The following RBM24 variants were observed in gnomAD, a reference collection of about 807,000 sequenced individuals.
The protein encoded by RBM24 is RNA-binding protein 24.
A neutral mutation model predicts 23.6 loss-of-function variants in RBM24; 5 were observed. That is an observed-to-expected ratio of 0.21 (90% confidence interval 0.11 to 0.45). The LOEUF is 0.45. Among genes scored for constraint, RBM24 ranks in the 20% least tolerant of loss-of-function variants. RBM24 has a pLI of 0.99. For synonymous variants in RBM24, 151 were observed against 129.5 expected (o/e 1.17, Z -1.13); for missense variants, 252 against 314.6 (o/e 0.80, Z 1.51).
chr6:17,288,885 G>T (rs1760273222), intron 3 of RBM24: 1 of 985,290 alleles, frequency 1.0e-6, no homozygotes, highest in Non-Finnish European at 1.2e-6. Context: ...TTTTTTAGGG[G>T]CCAAGGATTA....
intron 2 of RBM24, chr6:17,283,149 C>A: frequency 2.0e-6 from 1 of 496,780 alleles, no homozygotes; most frequent in East Asian, 3.2e-5. Flanking sequence ...TCTTGGGGGT[C>A]GTGCAGGAAG....
chr6:17,283,807 C>G (rs1175749355), intron 2 of RBM24, among the ~76,000 whole-genome samples: 1 of 152,164 alleles, frequency 6.6e-6, no homozygotes, highest in Admixed American at 6.5e-5. Flanking sequence ...ATGCTACAGA[C>G]AAAGAAACTG....
At position 17,288,122 on chromosome 6, in the gene RBM24, C is replaced by G. The variant is rs1760251668; in HGVS notation, c.347+3411C>G. The G allele has an allele frequency of 1.3e-5, 5 of 385,356 alleles. No homozygotes were observed. The South Asian group carries it at 3.2e-4, about 25-fold the overall frequency. 23.9% of individuals were successfully genotyped at this position (385,356 alleles called of 1,614,324 possible). On this transcript the variant is annotated intron_variant, in intron 3 of 3. Transcript: ENST00000379052. ...ACACAGAGAGGTTAATTAACTTCCCCCTGATCACAGGACTGCTAAGTGTTA... is the reference window on the plus strand; with the variant it reads ...ACACAGAGAGGTTAATTAACTTCCCGCTGATCACAGGACTGCTAAGTGTTA...
chr6:17,291,577 TG>T (rs112517063), intron 3 of RBM24, among the ~76,000 whole-genome samples, 178 bp from the exon 4 acceptor site: 3,351 of 152,244 alleles, frequency 0.022, 112 homozygotes, highest in African/African-American at 0.076. Flanking sequence ...CCAGTTCTTC[TG>T]GGGGCACTCT....
At position 17,281,504 on chromosome 6, in the gene RBM24, C is replaced by T. The variant is rs1270450340; in HGVS notation, c.-78C>T. ...CGGCCGCGAAAGGGTGCGGGAGACGCGGAGCCGGAGGAGGAGGCGCAGCCG... is the reference window on the plus strand; with the variant it reads ...CGGCCGCGAAAGGGTGCGGGAGACGTGGAGCCGGAGGAGGAGGCGCAGCCG... On this transcript the variant is annotated 5_prime_UTR_variant, in exon 1 of 4. Coordinates refer to ENST00000379052, the MANE Select transcript of RBM24 (RefSeq NM_001143942.2). This position sits in a 1 kb window ranked among gnomAD's most constrained non-coding sequence, Gnocchi z 7.1. 4.5e-6 allele frequency: 6 copies of T among 1,336,290 alleles called. No homozygotes were observed. Among genetic ancestry groups the T allele is most frequent in the Admixed American group, 3.8e-5 (1 of 26,082 alleles). 82.8% of individuals were successfully genotyped at this position (1,336,290 alleles called of 1,614,324 possible).
At chr6:17,283,200 A>G in intron 2 of RBM24, 2 of 387,070 alleles carry the variant, frequency 5.2e-6, no homozygotes, top group South Asian at 7.9e-5. Flanking sequence ...TATGGCATAC[A>G]TTTGTAGTCT....
Position 17,292,216 on chromosome 6 carries a change from T to TAAAA in RBM24, c.*97_*98insAAAA. 1 of 1,180,722 alleles carries TAAAA rather than the reference T, an allele frequency of 8.5e-7. No individual in the cohort carries two copies. The allele number at this position is 1,180,722 out of a possible 1,614,324, so 73.1% of individuals were successfully genotyped here. On this transcript the variant is annotated 3_prime_UTR_variant, in exon 4 of 4. Transcript: ENST00000379052. ...GAGAGTTAACATTGACTTAACAGCTTTAAAAAAAAAAACAGCCATGCTATT... is the reference window on the plus strand; with the variant it reads ...GAGAGTTAACATTGACTTAACAGCTTAAAATAAAAAAAAAAACAGCCATGCTATT...
chr6:17,283,103 C>G (rs1322244915), intron 2 of RBM24, 175 bp downstream of exon 2: 3 of 564,530 alleles, frequency 5.3e-6, no homozygotes, highest in African/African-American at 1.9e-5. Context: ...AAATACTCCT[C>G]TCAAGGCTTG....
At position 17,292,043 on chromosome 6, in the gene RBM24, C is replaced by T. The variant is rs1357331216; in HGVS notation, c.635C>T (p.Ala212Val). Reference protein sequence around the residue: ...TAAAPGTAAAAAAAAAAAAAF... With the variant: ...TAAAPGTAAAVAAAAAAAAAF... ...GCGGCACCTGGGACAGCTGCCGCCG[C>T]CGCTGCAGCAGCTGCTGCCGCTGCA... Residue 212 changes from alanine to valine, a missense_variant, in exon 4 of 4, where the codon GCC becomes GTC. By Grantham distance (64) the Ala-to-Val change is moderately conservative. Coordinates refer to ENST00000379052, the MANE Select transcript of RBM24 (RefSeq NM_001143942.2). 2 of 1,596,694 alleles carry T rather than the reference C, an allele frequency of 1.3e-6. No homozygotes were observed. Among genetic ancestry groups the T allele is most frequent in the Non-Finnish European group, 1.7e-6 (2 of 1,175,868 alleles).
intron 3 of RBM24, among the ~76,000 whole-genome samples, chr6:17,285,841 T>C (rs1361850150): frequency 3.3e-5 from 5 of 152,200 alleles, no homozygotes; most frequent in Non-Finnish European, 7.4e-5. Flanking sequence ...CCTCAATTTA[T>C]CCTGGACACT....
At chr6:17,282,415 T>C (rs1478572844) in intron 1 of RBM24, 2 of 546,580 alleles carry the variant, frequency 3.7e-6, no homozygotes, top group Non-Finnish European at 6.5e-6. Context: ...CTGGACTTTC[T>C]TTAAAGCAAA....
rs1231628331 is a variant in RBM24 at position 17,288,223 on chromosome 6, G to A, written c.347+3512G>A. On this transcript the variant is annotated intron_variant, in intron 3 of 3. Transcript: ENST00000379052. ...AGTCTTTCCTCTTTGTCAAGCTGTA[G>A]CCCCAAAAGACAAAACTCTATTCTC... The A allele has an allele frequency of 8.1e-6, 8 of 985,098 alleles. No individual in the cohort carries two copies. In the African/African-American group the frequency reaches 1.2e-4, roughly 15 times the overall value. 61.0% of individuals were successfully genotyped at this position (985,098 alleles called of 1,614,324 possible). A position where few individuals can be genotyped will look rare whatever the true frequency, so the allele number is the denominator to read the frequency against.
rs1760434651 is a variant in RBM24, at chr6:17,293,570, C to CT, written c.*1454dup. The CT allele has an allele frequency of 6.6e-6, 1 of 152,354 alleles. No individual in the cohort carries two copies. The highest frequency in any genetic ancestry group is 2.4e-5 in the African/African-American group (1 of 41,400). The allele number at this position is 152,354 out of a possible 1,614,324, so 9.4% of individuals were successfully genotyped here. On this transcript the variant is annotated 3_prime_UTR_variant, in exon 4 of 4. Transcript: ENST00000379052. ...ACTATTATGTAGTTTTTAAATGCTG[C>CT]TTTACATTTTTCTTCTGAAACTGCA...
chr6:17,293,089 CTATT>C lies in RBM24; in HGVS notation c.*972_*975del, dbSNP rs1311366693. The C allele has an allele frequency of 2.6e-5, 4 of 151,990 alleles. No individual in the cohort carries two copies. Among genetic ancestry groups the C allele is most frequent in the African/African-American group, 9.7e-5 (4 of 41,246 alleles). The allele number at this position is 151,990 out of a possible 1,614,324, so 9.4% of individuals were successfully genotyped here. ...TTTAAGTAATTTTACACTTTAGTAT[CTATT>C]TCAGAGTCATATTTAAAACTATTTA... is the stretch of plus-strand genomic sequence containing the variant. On this transcript the variant is annotated 3_prime_UTR_variant, in exon 4 of 4. Transcript: ENST00000379052.
In RBM24 at chr6:17,281,987, A is replaced by G; in HGVS notation, c.168+238A>G. Reference sequence around the variant, plus strand: ...GGTCGGGGGCCGGGCAGGGCAGAGCAGGGGTGAAAGGAGAGACCTGTAATG... The same window carrying G: ...GGTCGGGGGCCGGGCAGGGCAGAGCGGGGGTGAAAGGAGAGACCTGTAATG... On this transcript the variant is annotated intron_variant, in intron 1 of 3. Transcript: ENST00000379052. The surrounding 1 kb of genome is among the most constrained non-coding windows in gnomAD (Gnocchi z 7.1). The G allele has an allele frequency of 7.3e-7, 1 of 1,361,466 alleles. No individual in the cohort carries two copies. The highest frequency in any genetic ancestry group is 1.5e-5 in the South Asian group (1 of 66,006). 84.3% of individuals were successfully genotyped at this position (1,361,466 alleles called of 1,614,324 possible).
chr6:17,288,360 A>C, intron 3 of RBM24: 1 of 985,420 alleles, frequency 1.0e-6, no homozygotes, highest in Non-Finnish European at 1.2e-6. Context: ...TTCGTGAAGG[A>C]AGTAGAAGTT....
intron 3 of RBM24, chr6:17,288,310 G>A (rs1386222739): frequency 1.2e-5 from 12 of 985,428 alleles, no homozygotes; most frequent in Non-Finnish European, 1.4e-5. Context: ...CTTCAGATAA[G>A]AGAGACGAAC....
Position 17,291,753 on chromosome 6 carries a change from C to T in RBM24, c.348-3C>T. On this transcript the variant is annotated splice_region_variant and splice_polypyrimidine_tract_variant and intron_variant, in intron 3 of 3. Coordinates refer to ENST00000379052, the MANE Select transcript of RBM24 (RefSeq NM_001143942.2). ...CCTGACTTTGTTTTCCATTTCTCAA[C>T]AGGATACCTGCCCACTATGTCTATC... 1 of 1,599,354 alleles carries T rather than the reference C, an allele frequency of 6.3e-7. No homozygotes were observed. Among genetic ancestry groups the T allele is most frequent in the South Asian group, 1.1e-5 (1 of 90,024 alleles).
intron 2 of RBM24, among the ~76,000 whole-genome samples, chr6:17,283,663 C>G (rs1480611151): frequency 2.0e-5 from 3 of 152,112 alleles, no homozygotes; most frequent in Non-Finnish European, 2.9e-5. Context: ...GTGATCCACC[C>G]GCCTTGGCCT....
Sources: gnomAD v4.1 joint callset for allele counts (sites outside exome capture counted in the v4.1 genomes callset) on GRCh38, gnomAD v4.1.1 for gene constraint, Gnocchi (gnomAD v3.1) non-coding constraint, MANE v1.5 for transcripts, NCBI Gene and HGNC (gene_info 2026-07-23, HGNC 2026-07-21) for gene names.